NALCN: variants seen among roughly 807,000 people sequenced by gnomAD.
NALCN encodes sodium leak channel NALCN.
In NALCN, 111 loss-of-function variants were observed where a neutral mutation model predicts 225.3. That is an observed-to-expected ratio of 0.49 (90% CI 0.42 to 0.58). NALCN has a LOEUF of 0.58. NALCN is among the 20% of genes least tolerant of loss of function. NALCN has a pLI of 0.00. For missense variants in NALCN, 1,378 were observed against 2,202.4 expected (o/e 0.63, Z 7.49); for synonymous variants, 764 against 769.0 (o/e 0.99, Z 0.11).
At chr13:101,371,537 G>C (rs1318300031) in intron 6 of NALCN, among the ~76,000 whole-genome samples, 2 of 152,082 alleles carry the variant, frequency 1.3e-5, no homozygotes, top group Non-Finnish European at 2.9e-5. Flanking sequence ...GTGTTTTGAA[G>C]GAGTTGTAAT....
chr13:101,128,914 G>A (rs150419027), intron 17 of NALCN, among the ~76,000 whole-genome samples: 1,612 of 152,196 alleles, frequency 0.011, 19 homozygotes, highest in South Asian at 0.051. Flanking sequence ...AGTTCAACAC[G>A]TTCTTCTGTC....
rs1278717231 is a variant in NALCN at position 101,345,988 on chromosome 13, T to TA, written c.645-569dup. On this transcript the variant is annotated intron_variant, in intron 6 of 43. Transcript: ENST00000251127. The stretch of plus-strand genomic sequence containing the variant: ...AGGAGATATACGTGACGTGTCTGTC[T>TA]AAAATCATATCTTTCTGGCCCACCC... Among the ~76,000 whole-genome samples, 4 of 147,086 alleles carry TA rather than the reference T, an allele frequency of 2.7e-5. No homozygotes were observed. The South Asian group carries it at 8.6e-4, about 31-fold the overall frequency.
chr13:101,351,261 T>C (rs1022961414), intron 6 of NALCN, among the ~76,000 whole-genome samples: 3 of 152,194 alleles, frequency 2.0e-5, no homozygotes, highest in African/African-American at 7.2e-5. Context: ...GCACTGATTT[T>C]CAATGTTTTA....
At position 101,078,858 on chromosome 13, in the gene NALCN, T is replaced by C. The variant is rs139193770; in HGVS notation, c.3885+2669A>G. 2.6e-3 allele frequency among the ~76,000 whole-genome samples: 389 copies of C among 152,296 alleles called. 2 individuals are homozygous for C. The highest frequency in any genetic ancestry group is 8.9e-3 in the African/African-American group (369 of 41,570). ...GTCCCCACCCAAATCTCATCTTGAATTGTAGTTCCCATTATCTCCACATGT... is the reference window on the plus strand; with the variant it reads ...GTCCCCACCCAAATCTCATCTTGAACTGTAGTTCCCATTATCTCCACATGT... On this transcript the variant is annotated intron_variant, in intron 34 of 43. Transcript: ENST00000251127.
chr13:101,220,149 A>G (rs564064315), intron 13 of NALCN, among the ~76,000 whole-genome samples: 55 of 152,326 alleles, frequency 3.6e-4, no homozygotes, highest in African/African-American at 1.2e-3. Flanking sequence ...CCAAGTCAAG[A>G]TAACATAGAC....
At chr13:101,319,542 A>C (rs2044672217) in intron 7 of NALCN, among the ~76,000 whole-genome samples, 1 of 152,226 alleles carries the variant, frequency 6.6e-6, no homozygotes, top group South Asian at 2.1e-4. Context: ...ATATTTGATT[A>C]CATGTTTTTA....
intron 6 of NALCN, among the ~76,000 whole-genome samples, chr13:101,348,412 A>C (rs1169243749): frequency 6.6e-6 from 1 of 152,156 alleles, no homozygotes; most frequent in Non-Finnish European, 1.5e-5. Context: ...ACTGTTATTG[A>C]CAGTTTGAAA....
At chr13:101,353,962 A>G (rs1365101007) in intron 6 of NALCN, among the ~76,000 whole-genome samples, 2 of 152,180 alleles carry the variant, frequency 1.3e-5, no homozygotes, top group Non-Finnish European at 2.9e-5. Flanking sequence ...GCCAGTATGG[A>G]TAAGGGACAG....
intron 10 of NALCN, among the ~76,000 whole-genome samples, chr13:101,260,505 C>T (rs1398778504): frequency 6.6e-6 from 1 of 152,154 alleles, no homozygotes; most frequent in Non-Finnish European, 1.5e-5. Flanking sequence ...GAAGGGTTCC[C>T]TTTTCTTCGC....
intron 10 of NALCN, among the ~76,000 whole-genome samples, chr13:101,280,829 A>C (rs1001345724): frequency 4.6e-5 from 7 of 151,396 alleles, no homozygotes; most frequent in African/African-American, 1.7e-4. Flanking sequence ...TCTACATCAC[A>C]GGGTTGTAGT....
At chr13:101,359,349 C>A (rs2046156776) in intron 6 of NALCN, among the ~76,000 whole-genome samples, 1 of 152,118 alleles carries the variant, frequency 6.6e-6, no homozygotes, top group Non-Finnish European at 1.5e-5. Context: ...TACTTAAAAT[C>A]AACATTACAA....
chr13:101,283,949 G>A lies in NALCN; in HGVS notation c.1118C>T (p.Ala373Val). ...AVDVNKPQGR[A>V]PACLQKMMRS... ...GTACTGCACCTGGAGGCAGGCTGGG[G>A]CGCGTCCCTGGGGCTTGTTGACATC... Residue 373 changes from alanine to valine, a missense_variant, in exon 10 of 44, where the codon GCC (alanine) becomes GTC (valine). Physicochemically the swap from Ala to Val is moderately conservative, Grantham distance 64. Transcript: ENST00000251127. The A allele has an allele frequency of 1.2e-6, 2 of 1,613,190 alleles. No homozygotes were observed. Among genetic ancestry groups the A allele is most frequent in the South Asian group, 1.1e-5 (1 of 90,848 alleles).
intron 14 of NALCN, among the ~76,000 whole-genome samples, chr13:101,182,246 A>T (rs1445343792): frequency 1.3e-5 from 2 of 151,988 alleles, no homozygotes; most frequent in Non-Finnish European, 2.9e-5. Context: ...CCCTCAGAGC[A>T]GGACAGAGAG....
Position 101,292,392 on chromosome 13 carries a change from G to C in NALCN, c.800-26C>G. ...CTGTCATGACAGAGGAGGACAGACT[G>C]AGTCACAGCTGACTTTTGAAATAAG... On this transcript the variant is annotated intron_variant, in intron 7 of 43. Coordinates refer to ENST00000251127, the MANE Select transcript of NALCN (RefSeq NM_052867.4). This position sits in a 1 kb window ranked among gnomAD's most constrained non-coding sequence, Gnocchi z 4.3. 1 of 1,579,486 alleles carries C rather than the reference G, an allele frequency of 6.3e-7. No individual in the cohort carries two copies. The highest frequency in any genetic ancestry group is 1.4e-5 in the African/African-American group (1 of 73,634).
At chr13:101,324,893 TATG>T (rs2044886958) in intron 7 of NALCN, among the ~76,000 whole-genome samples, 1 of 152,228 alleles carries the variant, frequency 6.6e-6, no homozygotes, top group African/African-American at 2.4e-5. Flanking sequence ...GCCCATTCAG[TATG>T]ATATTGGCTG....
chr13:101,255,095 A>C (rs1387957448), intron 11 of NALCN, among the ~76,000 whole-genome samples: 1 of 152,018 alleles, frequency 6.6e-6, no homozygotes, highest in Non-Finnish European at 1.5e-5. Context: ...TGGACACATA[A>C]TATATACTGA....
intron 7 of NALCN, among the ~76,000 whole-genome samples, chr13:101,344,698 T>C (rs1394311568): frequency 2.6e-5 from 4 of 152,230 alleles, no homozygotes; most frequent in African/African-American, 9.6e-5. Flanking sequence ...TTTTAGGACT[T>C]AATAAGGCAA....
chr13:101,247,560 A>G (rs1018146171), intron 11 of NALCN, among the ~76,000 whole-genome samples: 2 of 152,164 alleles, frequency 1.3e-5, no homozygotes, highest in African/African-American at 2.4e-5. Context: ...TAAAATTCAA[A>G]CTATGAATTT....
At chr13:101,377,160 C>T in intron 4 of NALCN, 104 bp from the exon 5 acceptor site, 1 of 1,373,434 alleles carries the variant, frequency 7.3e-7, no homozygotes, top group Non-Finnish European at 1.0e-6. Flanking sequence ...CACCTCTACT[C>T]TGAATTTAGC....
Sources: allele counts gnomAD v4.1 joint callset (sites outside exome capture counted in the v4.1 genomes callset), GRCh38; gene constraint gnomAD v4.1.1; non-coding constraint Gnocchi (gnomAD v3.1); transcripts MANE v1.5; gene names NCBI Gene and HGNC (gene_info 2026-07-23, HGNC 2026-07-21).